ZNF737: variants seen among roughly 807,000 people sequenced by gnomAD.
The protein encoded by ZNF737 is zinc finger protein 737, also known as zinc finger protein 102 (Y3).
Under a neutral mutation model 11.7 loss-of-function variants are expected in ZNF737, and 13 were observed. That is an observed-to-expected ratio of 1.11 (90% confidence interval 0.73 to 1.77). The LOEUF (loss-of-function observed/expected upper bound fraction) is 1.77. Among genes scored for constraint, ZNF737 ranks in the 40% most tolerant of loss-of-function variants. The pLI, the probability that ZNF737 is intolerant of heterozygous loss-of-function variation, is 0.00. For synonymous variants in ZNF737, 217 were observed against 216.2 expected, an observed-to-expected ratio of 1.00 and a Z score of -0.03; for missense variants, 636 against 638.0, an observed-to-expected ratio of 1.00 and a Z score of 0.03.
chr19:20,544,979 G>A lies in ZNF737; in HGVS notation c.1224C>T (p.Tyr408=). Residue 408 remains tyrosine (Y), a synonymous_variant, in exon 4 of 4, where the codon TAC becomes TAT. Coordinates refer to ENST00000427401, the MANE Select transcript of ZNF737 (RefSeq NM_001159293.2). ...TCTTATGTGTAGTAAGGGAAGAGGA[G>A]TACTTAAAGGCTTCGCCACATTCTT... ...KCEECGEAFK[Y]SSSLTTHKII... 1.2e-6 allele frequency: 2 copies of A among 1,612,324 alleles called. No homozygotes were observed. Among genetic ancestry groups the A allele is most frequent in the Non-Finnish European group, 1.7e-6 (2 of 1,179,708 alleles).
chr19:20,539,281 A>C lies in ZNF737; in HGVS notation c.*5311T>G. On this transcript the variant is annotated 3_prime_UTR_variant, in exon 4 of 4. Transcript: ENST00000427401. ...GTGCAGCGTGAGTGACAGAGTGAGA[A>C]TCCTTCTAAAAAAAAAAAAAAGAAA... 4.1e-6 allele frequency: 4 copies of C among 968,364 alleles called. No individual in the cohort carries two copies. Among genetic ancestry groups the C allele is most frequent in the Non-Finnish European group, 4.9e-6 (4 of 814,926 alleles). The allele number at this position is 968,364 out of a possible 1,614,324, so 60.0% of individuals were successfully genotyped here.
Position 20,541,029 on chromosome 19 carries a change from C to T in ZNF737, c.*3563G>A, listed in dbSNP as rs1968184188. The T allele has an allele frequency of 4.1e-6, 4 of 984,828 alleles. No homozygotes were observed. The highest frequency in any genetic ancestry group is 4.8e-6 in the Non-Finnish European group (4 of 829,870). The allele number at this position is 984,828 out of a possible 1,614,324, so 61.0% of individuals were successfully genotyped here. ...TTAAGAGGGCTTTTATTATTGTACT[C>T]AAGAGAGTTGTTTCTGGAGACAAAG... is the stretch of plus-strand genomic sequence containing the variant. On this transcript the variant is annotated 3_prime_UTR_variant, in exon 4 of 4. Coordinates refer to ENST00000427401, the MANE Select transcript of ZNF737 (RefSeq NM_001159293.2).
chr19:20,544,519 C>A lies in ZNF737; in HGVS notation c.*73G>T. 6.5e-7 allele frequency: 1 copy of A among 1,543,192 alleles called. No homozygotes were observed. On this transcript the variant is annotated 3_prime_UTR_variant, in exon 4 of 4. Transcript: ENST00000427401. ...CACATTTATCACACTTGTACAGTTT[C>A]CCTCCAATATGAATTTTCTTATGTG...
chr19:20,536,057 C>T (rs1286692320), downstream of ZNF737: 2 of 983,282 alleles, frequency 2.0e-6, no homozygotes, highest in Non-Finnish European at 2.4e-6. Context: ...TACCTTTTAT[C>T]CGCTTCACTT....
chr19:20,553,869 G>C, intron 1 of ZNF737, 34 bp from the exon 2 acceptor site: 3 of 1,595,458 alleles, frequency 1.9e-6, no homozygotes, highest in Non-Finnish European at 2.6e-6. Context: ...TTTTTACCAA[G>C]TAGCCAAGGG....
At chr19:20,553,079 C>T (rs1410069595) in intron 2 of ZNF737, among the ~76,000 whole-genome samples, 1 of 151,660 alleles carries the variant, frequency 6.6e-6, no homozygotes, top group Non-Finnish European at 1.5e-5. Flanking sequence ...CTTAATTTTC[C>T]TTCCTGGTAC....
At chr19:20,563,088 A>G (rs1969159810) in intron 1 of ZNF737, among the ~76,000 whole-genome samples, 1 of 149,328 alleles carries the variant, frequency 6.7e-6, no homozygotes, top group African/African-American at 2.5e-5. Context: ...TTTTTTTAAC[A>G]TAAATTAATA....
chr19:20,541,333 T>G lies in ZNF737; in HGVS notation c.*3259A>C. The G allele has an allele frequency of 1.0e-6, 1 of 983,548 alleles. No individual in the cohort carries two copies. The highest frequency in any genetic ancestry group is 1.2e-6 in the Non-Finnish European group (1 of 828,308). 60.9% of individuals were successfully genotyped at this position (983,548 alleles called of 1,614,324 possible). On this transcript the variant is annotated 3_prime_UTR_variant, in exon 4 of 4. Transcript: ENST00000427401. ...TCAGAGTAATATGTGTATATTTAACTCTATGTAAATTAAAACTAAAAGTCT... is the reference window on the plus strand; with the variant it reads ...TCAGAGTAATATGTGTATATTTAACGCTATGTAAATTAAAACTAAAAGTCT...
intron 1 of ZNF737, among the ~76,000 whole-genome samples, chr19:20,561,361 C>T (rs571348453): frequency 2.0e-5 from 3 of 150,576 alleles, no homozygotes; most frequent in African/African-American, 7.3e-5. Context: ...GTGGTGCCTA[C>T]TCCTGGGAGG....
At chr19:20,554,341 T>C (rs540076867) in intron 1 of ZNF737, among the ~76,000 whole-genome samples, 1 of 152,186 alleles carries the variant, frequency 6.6e-6, no homozygotes, top group Non-Finnish European at 1.5e-5. Context: ...AAACATCCAG[T>C]AAGTGGAAGA....
Position 20,545,390 on chromosome 19 carries a change from G to A in ZNF737, c.813C>T (p.Asn271=). 1 of 1,613,846 alleles carries A rather than the reference G, an allele frequency of 6.2e-7. No individual in the cohort carries two copies. The highest frequency in any genetic ancestry group is 1.7e-4 in the Middle Eastern group (1 of 6,060). ...ECGKAFKRSS[N]LTTHKIIHTG... is the part of the protein sequence containing the mutation. ...TATGAATTATCTTATGTGTAGTAAG[G>A]TTAGAGGAGCGCTTAAAGGCCTTGC... The change falls in exon 4 of 4, where the codon AAC becomes AAT. Residue 271 remains asparagine, a synonymous_variant. Transcript: ENST00000427401.
downstream of ZNF737, among the ~76,000 whole-genome samples, chr19:20,532,462 C>A (rs1324100124): frequency 6.7e-6 from 1 of 149,516 alleles, no homozygotes; most frequent in Non-Finnish European, 1.5e-5. Flanking sequence ...ATCGAGCCAC[C>A]TATTTTGTAT....
In ZNF737 at chr19:20,553,749, C is replaced by T. The variant is rs1317510965; in HGVS notation, c.90G>A (p.Arg30=). 6.2e-7 allele frequency: 1 copy of T among 1,613,972 alleles called. No homozygotes were observed. The highest frequency in any genetic ancestry group is 8.5e-7 in the Non-Finnish European group (1 of 1,179,960). The part of the protein sequence containing the change: ...CLDTAQRNLY[R]NVMLENYRNL... ...TTCTGTAGTTCTCTAACATCACATT[C>T]CTATATAAATTCCGCTGTGCAGTGT... The change falls in exon 2 of 4, where the codon AGG becomes AGA. Residue 30 remains arginine, a synonymous_variant. Transcript: ENST00000427401.
At chr19:20,555,345 G>T (rs1175974633) in intron 1 of ZNF737, among the ~76,000 whole-genome samples, 1 of 151,934 alleles carries the variant, frequency 6.6e-6, no homozygotes, top group Non-Finnish European at 1.5e-5. Flanking sequence ...GCCATGCCTG[G>T]CTAATTTTTT....
Position 20,541,159 on chromosome 19 carries a change from C to T in ZNF737, c.*3433G>A. 1.0e-6 allele frequency: 1 copy of T among 982,442 alleles called. No individual in the cohort carries two copies. Among genetic ancestry groups the T allele is most frequent in the Non-Finnish European group, 1.2e-6 (1 of 827,266 alleles). 60.9% of individuals were successfully genotyped at this position (982,442 alleles called of 1,614,324 possible). A position where few individuals can be genotyped will look rare whatever the true frequency, so the allele number is the denominator to read the frequency against. On this transcript the variant is annotated 3_prime_UTR_variant, in exon 4 of 4. Coordinates refer to ENST00000427401, the MANE Select transcript of ZNF737 (RefSeq NM_001159293.2). ...AAAGCAGAAAGTATAGATTTGCTTTCACCATTTTAAAAGTGTTTAGTTTTG... is the reference window on the plus strand; with the variant it reads ...AAAGCAGAAAGTATAGATTTGCTTTTACCATTTTAAAAGTGTTTAGTTTTG...
At chr19:20,565,555 G>A in intron 1 of ZNF737, 83 bp downstream of exon 1, 4 of 1,606,178 alleles carry the variant, frequency 2.5e-6, no homozygotes, top group East Asian at 2.2e-5. Context: ...ACTGCGCAGA[G>A]GCCTGAGTCC....
intron 3 of ZNF737, among the ~76,000 whole-genome samples, chr19:20,547,978 A>T (rs1968517691): frequency 6.6e-6 from 1 of 152,018 alleles, no homozygotes; most frequent in Non-Finnish European, 1.5e-5. Flanking sequence ...CACCATTTCT[A>T]CTAAAAATAA....
intron 1 of ZNF737, among the ~76,000 whole-genome samples, chr19:20,558,270 G>T (rs1363011272): frequency 8.3e-6 from 1 of 121,126 alleles, no homozygotes; most frequent in Non-Finnish European, 1.7e-5. Flanking sequence ...GGGTGACAGA[G>T]ACTCCGTCTC....
downstream of ZNF737, chr19:20,537,988 A>G (rs1176217924): frequency 3.1e-5 from 28 of 903,482 alleles, no homozygotes; most frequent in Non-Finnish European, 3.7e-5. Flanking sequence ...TTTCTGAGGC[A>G]GAGTAAGATT....
Sources: allele counts gnomAD v4.1 joint callset (sites outside exome capture counted in the v4.1 genomes callset), GRCh38; gene constraint gnomAD v4.1.1; transcripts MANE v1.5; gene names NCBI Gene and HGNC (gene_info 2026-07-23, HGNC 2026-07-21).